The following FGL2 variants were observed in gnomAD, a reference collection of about 807,000 sequenced individuals.
FGL2 encodes fibroleukin.
A neutral mutation model predicts 36.0 loss-of-function variants in FGL2; 21 were observed. The observed-to-expected ratio is 0.58, with a 90% CI of 0.41 to 0.84. The LOEUF (loss-of-function observed/expected upper bound fraction) is 0.84. FGL2 is among the 40% of genes least tolerant of loss of function. The pLI is 0.00. For missense variants in FGL2, 444 were observed against 526.3 expected, an observed-to-expected ratio of 0.84 and a Z score of 1.53; for synonymous variants, 183 against 190.7, an observed-to-expected ratio of 0.96 and a Z score of 0.33.
In FGL2 at chr7:77,196,914, C is replaced by A; in HGVS notation, c.685G>T (p.Val229Phe). 1 of 1,613,826 alleles carries A rather than the reference C, an allele frequency of 6.2e-7. No homozygotes were observed. Among genetic ancestry groups the A allele is most frequent in the Non-Finnish European group, 8.5e-7 (1 of 1,179,940 alleles). ...IGKRSSETYRVTPDPKNSSFE... is the reference protein window; with the variant it reads ...IGKRSSETYRFTPDPKNSSFE... Reference sequence around the variant, plus strand: ...CTACTATTTTTGGGATCAGGTGTAACTCTGTAGGTCTCACTGCTTCTTTTG... The same window carrying A: ...CTACTATTTTTGGGATCAGGTGTAAATCTGTAGGTCTCACTGCTTCTTTTG... Residue 229 changes from valine (V) to phenylalanine (F), a missense_variant, in exon 2 of 2, where the codon GTT becomes TTT. Coordinates refer to ENST00000248598, the MANE Select transcript of FGL2 (RefSeq NM_006682.3). This position sits in a 1 kb window ranked among gnomAD's most constrained non-coding sequence, Gnocchi z 4.2.
Position 77,197,140 on chromosome 7 carries a change from GGCCTCACAAGAAGAACCTAAT to G in FGL2, c.614-176_614-156del, listed in dbSNP as rs1178905572. 2.0e-5 allele frequency among the ~76,000 whole-genome samples: 3 copies of G among 152,174 alleles called. No individual in the cohort carries two copies. The East Asian group carries it at 5.8e-4, about 29-fold the overall frequency. On this transcript the variant is annotated intron_variant, in intron 1 of 1. Coordinates refer to ENST00000248598, the MANE Select transcript of FGL2 (RefSeq NM_006682.3). ...TTGAACCTGTTTAGCAAATGCTTAA[GGCCTCACAAGAAGAACCTAAT>G]GTTATAAAGCAGAAAGGACCTCTAA...
In FGL2 at chr7:77,196,720, G is replaced by T. The variant is rs1447096481; in HGVS notation, c.879C>A (p.Thr293=). The T allele has an allele frequency of 6.2e-6, 10 of 1,613,992 alleles. No individual in the cohort carries two copies. Among genetic ancestry groups the T allele is most frequent in the Non-Finnish European group, 7.6e-6 (9 of 1,179,976 alleles). The change falls in exon 2 of 2, where the codon ACC becomes ACA. Residue 293 remains threonine, a synonymous_variant. Transcript: ENST00000248598. This position sits in a 1 kb window ranked among gnomAD's most constrained non-coding sequence, Gnocchi z 4.2. ...TTCTCAGAATCATTTCCTTACTCTT[G>T]GTCAGAAGATGAATTTTATCGTTCC... ...WLGNDKIHLL[T]KSKEMILRID...
intron 1 of FGL2, among the ~76,000 whole-genome samples, chr7:77,197,728 T>C (rs1791902030): frequency 6.6e-6 from 1 of 152,156 alleles, no homozygotes; most frequent in African/African-American, 2.4e-5. Flanking sequence ...ATAAAGAAGC[T>C]CAAGTGAAAA....
chr7:77,196,358 C>T lies in FGL2; in HGVS notation c.1241G>A (p.Ser414Asn). The T allele has an allele frequency of 6.2e-7, 1 of 1,614,142 alleles. No homozygotes were observed. ...CTTGTAGCCACCAGGGTGTGCCTCACTTACACCAGGCCAGGTACCCCAGAA... is the reference window on the plus strand; with the variant it reads ...CTTGTAGCCACCAGGGTGTGCCTCATTTACACCAGGCCAGGTACCCCAGAA... ...GIFWGTWPGV[S>N]EAHPGGYKSS... is the part of the protein sequence containing the mutation. Residue 414 changes from serine to asparagine, a missense_variant, in exon 2 of 2, where the codon AGT becomes AAT. Transcript: ENST00000248598. The surrounding 1 kb of genome is among the most constrained non-coding windows in gnomAD (Gnocchi z 4.2).
chr7:77,195,152 A>G lies in FGL2; in HGVS notation c.*1127T>C, dbSNP rs1349552486. 1.3e-5 allele frequency: 2 copies of G among 151,582 alleles called. No individual in the cohort carries two copies. The highest frequency in any genetic ancestry group is 2.9e-5 in the Non-Finnish European group (2 of 67,894). The allele number at this position is 151,582 out of a possible 1,614,324, so 9.4% of individuals were successfully genotyped here. On this transcript the variant is annotated 3_prime_UTR_variant, in exon 2 of 2. Transcript: ENST00000248598. ...CCTGTAAGTAAATGCTTCATTACCC[A>G]CATATCCCTACCCACCCCCCCCAAA...
In FGL2 at chr7:77,194,164, A is replaced by T. The variant is rs1791822453; in HGVS notation, c.*2115T>A. 1 of 152,086 alleles carries T rather than the reference A, an allele frequency of 6.6e-6. No homozygotes were observed. Among genetic ancestry groups the T allele is most frequent in the African/African-American group, 2.4e-5 (1 of 41,446 alleles). The allele number at this position is 152,086 out of a possible 1,614,324, so 9.4% of individuals were successfully genotyped here. A position where few individuals can be genotyped will look rare whatever the true frequency, so the allele number is the denominator to read the frequency against. On this transcript the variant is annotated 3_prime_UTR_variant, in exon 2 of 2. Transcript: ENST00000248598. The stretch of plus-strand genomic sequence containing the variant: ...GTTATACCTAGTTCCCATTAAATTA[A>T]TGGACACCGTGTATATGAGCATATA...
Position 77,196,771 on chromosome 7 carries a change from T to C in FGL2, c.828A>G (p.Gly276=). 1 of 1,614,210 alleles carries C rather than the reference T, an allele frequency of 6.2e-7. No homozygotes were observed. Among genetic ancestry groups the C allele is most frequent in the Non-Finnish European group, 8.5e-7 (1 of 1,180,030 alleles). The change falls in exon 2 of 2, where the codon GGA becomes GGG. Residue 276 remains glycine (G), a synonymous_variant. Transcript: ENST00000248598. The surrounding 1 kb of genome is among the most constrained non-coding windows in gnomAD (Gnocchi z 4.2). The part of the protein sequence containing the change: ...RTWQDYKAGF[G]NLRREFWLGN... ...CCAGCCAAAATTCCCTTCTGAGGTTTCCAAAGCCTGCTTTGTAGTCTTGCC... is the reference window on the plus strand; with the variant it reads ...CCAGCCAAAATTCCCTTCTGAGGTTCCCAAAGCCTGCTTTGTAGTCTTGCC...
Position 77,198,445 on chromosome 7 carries a change from T to C in FGL2, c.613+736A>G, listed in dbSNP as rs539287224. The stretch of plus-strand genomic sequence containing the variant: ...TACCACTGTTAGTTCGTGGGTGGAG[T>C]AGGCGATTAAGTCTGTGGAATTTCA... On this transcript the variant is annotated intron_variant, in intron 1 of 1. Transcript: ENST00000248598. 102 of 266,894 alleles carry C rather than the reference T, an allele frequency of 3.8e-4. 1 individual carries two copies. Among genetic ancestry groups the C allele is most frequent in the East Asian group, 1.8e-4 (1 of 5,680 alleles). 16.5% of individuals were successfully genotyped at this position (266,894 alleles called of 1,614,324 possible). A position where few individuals can be genotyped will look rare whatever the true frequency, so the allele number is the denominator to read the frequency against.
rs998400365 is a variant in FGL2 at position 77,196,738 on chromosome 7, A to T, written c.861T>A (p.Asp287Glu). 1.2e-6 allele frequency: 2 copies of T among 1,614,016 alleles called. No individual in the cohort carries two copies. The highest frequency in any genetic ancestry group is 1.7e-6 in the Non-Finnish European group (2 of 1,180,004). ...TACTCTTGGTCAGAAGATGAATTTTATCGTTCCCCAGCCAAAATTCCCTTC... is the reference window on the plus strand; with the variant it reads ...TACTCTTGGTCAGAAGATGAATTTTTTCGTTCCCCAGCCAAAATTCCCTTC... ...NLRREFWLGNDKIHLLTKSKE... is the reference protein window; with the variant it reads ...NLRREFWLGNEKIHLLTKSKE... The change falls in exon 2 of 2, where the codon GAT becomes GAA. Residue 287 changes from aspartate (D) to glutamate (E), a missense_variant. By Grantham distance (45) the Asp-to-Glu change is conservative (BLOSUM62 2). Coordinates refer to ENST00000248598, the MANE Select transcript of FGL2 (RefSeq NM_006682.3). This position sits in a 1 kb window ranked among gnomAD's most constrained non-coding sequence, Gnocchi z 4.2.
rs780583784 is a variant in FGL2, at chr7:77,196,939, G to A, written c.660C>T (p.Gly220=). ...CTCTGTAGGTCTCACTGCTTCTTTT[G>A]CCTATTGCGTAGTAGTCAGAGCAAT... ...YKDCSDYYAI[G]KRSSETYRVT... Residue 220 remains glycine (G), a synonymous_variant, in exon 2 of 2, where the codon GGC becomes GGT. Transcript: ENST00000248598. This position sits in a 1 kb window ranked among gnomAD's most constrained non-coding sequence, Gnocchi z 4.2. 75 of 1,613,056 alleles carry A rather than the reference G, an allele frequency of 4.6e-5. No homozygotes were observed. In the South Asian group the frequency reaches 8.1e-4, roughly 17 times the overall value.
Position 77,199,269 on chromosome 7 carries a change from G to A in FGL2, c.525C>T (p.Ser175=), listed in dbSNP as rs1791934223. 6.2e-7 allele frequency: 1 copy of A among 1,614,000 alleles called. No homozygotes were observed. Among genetic ancestry groups the A allele is most frequent in the Non-Finnish European group, 8.5e-7 (1 of 1,179,924 alleles). ...CAACAAATGTTAGATTTGCCACTTT[G>A]CTGTCAACATAATTTTCTATGTTGT... The part of the protein sequence containing the change: ...NMNNIENYVD[S]KVANLTFVVN... Residue 175 remains serine, a synonymous_variant, in exon 1 of 2, where the codon AGC becomes AGT. Coordinates refer to ENST00000248598, the MANE Select transcript of FGL2 (RefSeq NM_006682.3).
In FGL2 at chr7:77,196,403, C is replaced by G. The variant is rs761029492; in HGVS notation, c.1196G>C (p.Arg399Thr). The change falls in exon 2 of 2, where the codon AGA becomes ACA. Residue 399 changes from arginine (R) to threonine (T), a missense_variant. By Grantham distance (71) the Arg-to-Thr change is moderately conservative (BLOSUM62 -1). Transcript: ENST00000248598. The surrounding 1 kb of genome is among the most constrained non-coding windows in gnomAD (Gnocchi z 4.2). ...CCAGAAAATCCCATTACGGACACCTCTGTATTTTTGGTGATAATATTTGCC... is the reference window on the plus strand; with the variant it reads ...CCAGAAAATCCCATTACGGACACCTGTGTATTTTTGGTGATAATATTTGCC... ...LNGKYYHQKY[R>T]GVRNGIFWGT... 7.4e-6 allele frequency: 12 copies of G among 1,613,986 alleles called. No individual in the cohort carries two copies. In the Middle Eastern group the frequency reaches 8.2e-4, roughly 111 times the overall value.
At chr7:77,199,078 A>G in intron 1 of FGL2, 103 bp downstream of exon 1, 1 of 967,578 alleles carries the variant, frequency 1.0e-6, no homozygotes, top group Admixed American at 2.3e-5. Flanking sequence ...AAAAGACTTA[A>G]TCTGTCATCT....
chr7:77,197,068 G>T, intron 1 of FGL2, 83 bp from the exon 2 acceptor site: 1 of 848,344 alleles, frequency 1.2e-6, no homozygotes, highest in Non-Finnish European at 1.8e-6. Context: ...TACAAAAGCA[G>T]TTTGATAATT....
At position 77,199,324 on chromosome 7, in the gene FGL2, C is replaced by A. The variant is rs558574462; in HGVS notation, c.470G>T (p.Arg157Leu). 20 of 1,614,048 alleles carry A rather than the reference C, an allele frequency of 1.2e-5. No individual in the cohort carries two copies. In the South Asian group the frequency reaches 1.6e-4, roughly 13 times the overall value. ...ATTTACAAGATTCAGCTTCTCCAGG[C>A]GACCATGAAGTACATTGATCTCCTC... is the stretch of plus-strand genomic sequence containing the variant. Reference protein sequence around the residue: ...AKEEINVLHGRLEKLNLVNMN... With the variant: ...AKEEINVLHGLLEKLNLVNMN... The change falls in exon 1 of 2, where the codon CGC becomes CTC. Residue 157 changes from arginine (R) to leucine (L), a missense_variant. Coordinates refer to ENST00000248598, the MANE Select transcript of FGL2 (RefSeq NM_006682.3).
chr7:77,196,746 C>T lies in FGL2; in HGVS notation c.853G>A (p.Gly285Arg). 2 of 1,614,052 alleles carry T rather than the reference C, an allele frequency of 1.2e-6. No individual in the cohort carries two copies. Among genetic ancestry groups the T allele is most frequent in the Non-Finnish European group, 1.7e-6 (2 of 1,179,978 alleles). ...FGNLRREFWL[G>R]NDKIHLLTKS... is the part of the protein sequence containing the mutation. ...GTCAGAAGATGAATTTTATCGTTCC[C>T]CAGCCAAAATTCCCTTCTGAGGTTT... Residue 285 changes from glycine to arginine, a missense_variant, in exon 2 of 2, where the codon GGG becomes AGG. Coordinates refer to ENST00000248598, the MANE Select transcript of FGL2 (RefSeq NM_006682.3). The surrounding 1 kb of genome is among the most constrained non-coding windows in gnomAD (Gnocchi z 4.2).
intron 1 of FGL2, chr7:77,198,417 C>A: frequency 1.9e-6 from 1 of 519,374 alleles, no homozygotes; most frequent in Non-Finnish European, 2.5e-6. Context: ...TTTGGAGAGT[C>A]AATACCACTG....
chr7:77,198,910 C>T (rs1471537820), intron 1 of FGL2: 2 of 476,718 alleles, frequency 4.2e-6, no homozygotes. Context: ...ATTCTCTCTA[C>T]TTCTGCTTGC....
Position 77,195,890 on chromosome 7 carries a change from C to T in FGL2, c.*389G>A, listed in dbSNP as rs1021921787. The T allele has an allele frequency of 6.5e-4, 109 of 168,676 alleles. No homozygotes were observed. Among genetic ancestry groups the T allele is most frequent in the African/African-American group, 2.3e-3 (97 of 41,886 alleles). 10.4% of individuals were successfully genotyped at this position (168,676 alleles called of 1,614,324 possible). A position where few individuals can be genotyped will look rare whatever the true frequency, so the allele number is the denominator to read the frequency against. On this transcript the variant is annotated 3_prime_UTR_variant, in exon 2 of 2. Transcript: ENST00000248598. The stretch of plus-strand genomic sequence containing the variant: ...CAGGCTGGTCTCAAACTCCTGACCT[C>T]AAGTGATCTGCCTGCCTTGACATTC...
Sources: allele counts gnomAD v4.1 joint callset (sites outside exome capture counted in the v4.1 genomes callset), GRCh38; gene constraint gnomAD v4.1.1; non-coding constraint Gnocchi (gnomAD v3.1); transcripts MANE v1.5; gene names NCBI Gene and HGNC (gene_info 2026-07-23, HGNC 2026-07-21).